TOP3B: variants seen among roughly 807,000 people sequenced by gnomAD.
TOP3B encodes the protein DNA topoisomerase III beta, also known as DNA topoisomerase 3-beta-1.
TOP3B carries 45 observed loss-of-function variants against 93.9 expected under a neutral mutation model. That is an observed-to-expected ratio of 0.48 (90% CI 0.38 to 0.61). The LOEUF (loss-of-function observed/expected upper bound fraction) is 0.61. TOP3B is among the 20% of genes least tolerant of loss of function. TOP3B has a pLI of 0.00. For missense variants in TOP3B, 750 were observed against 1,156.1 expected (o/e 0.65, Z 5.09); for synonymous variants, 357 against 472.6 (o/e 0.76, Z 3.17).
chr22:21,972,930 T>C (rs1601852782), intron 3 of TOP3B: 1 of 556,854 alleles, frequency 1.8e-6, no homozygotes, highest in Non-Finnish European at 3.2e-6. Flanking sequence ...TCTGCTCGGC[T>C]GCTGAGCGGA....
At chr22:21,964,741 C>T (rs2071346586) in intron 9 of TOP3B, 1 of 211,606 alleles carries the variant, frequency 4.7e-6, no homozygotes, top group African/African-American at 2.3e-5. Context: ...TTTCTGTCCT[C>T]ACAGCACTTT....
intron 15 of TOP3B, 76 bp from the exon 16 acceptor site, chr22:21,959,308 T>C: frequency 6.3e-7 from 1 of 1,590,628 alleles, no homozygotes. Context: ...TGGTCAAGGG[T>C]CTGAGTGTGA....
At chr22:21,958,370 C>T in intron 17 of TOP3B, 122 bp downstream of exon 17, 1 of 1,547,008 alleles carries the variant, frequency 6.5e-7, no homozygotes, top group Non-Finnish European at 8.7e-7. Flanking sequence ...GTCTCAGTGC[C>T]AATGAGTGCA....
rs763558844 is a variant in TOP3B at position 21,962,833 on chromosome 22, T to C, written c.1265A>G (p.His422Arg). 6.8e-6 allele frequency: 11 copies of C among 1,613,980 alleles called. No homozygotes were observed. Among genetic ancestry groups the C allele is most frequent in the Admixed American group, 3.3e-5 (2 of 60,008 alleles). The change falls in exon 12 of 18, where the codon CAT (histidine) becomes CGT (arginine). Residue 422 changes from histidine to arginine, a missense_variant. His to Arg is a conservative substitution (Grantham distance 29, BLOSUM62 0). Around this residue, in one of 4 missense-constraint regions of TOP3B, gnomAD observed 737 missense variants for 933.7 expected, o/e 0.79. Coordinates refer to ENST00000357179, the MANE Select transcript of TOP3B (RefSeq NM_001282112.2). ...ITRHFIATVS[H>R]DCKYLQSTIS... ...GGTGCTCTGCAGGTACTTGCAGTCA[T>C]GGCTGACCGTGGCGATGAAGTGTCT...
chr22:21,960,502 G>C (rs1034084238), intron 13 of TOP3B, 53 bp from the exon 14 acceptor site: 3 of 1,607,762 alleles, frequency 1.9e-6, no homozygotes, highest in African/African-American at 2.7e-5. Flanking sequence ...ATGCCCCACT[G>C]AACCATGTGC....
At chr22:21,973,155 CAT>C (rs1405075377) in intron 3 of TOP3B, 7 of 239,190 alleles carry the variant, frequency 2.9e-5, no homozygotes, top group African/African-American at 1.6e-4. Context: ...TGGGGGCACA[CAT>C]GTGTGCAGTC....
At chr22:21,972,017 C>T (rs2071660881) in intron 4 of TOP3B, 66 bp from the exon 5 acceptor site, 3 of 1,433,070 alleles carry the variant, frequency 2.1e-6, no homozygotes, top group Non-Finnish European at 2.9e-6. Context: ...GCCCCCAGTG[C>T]TCCCATCCAG....
intron 10 of TOP3B, 31 bp downstream of exon 10, chr22:21,964,130 C>T: frequency 1.2e-6 from 2 of 1,613,490 alleles, no homozygotes; most frequent in Non-Finnish European, 1.7e-6. Flanking sequence ...GTGACACACA[C>T]ACATGCTGAG....
intron 15 of TOP3B, 124 bp from the exon 16 acceptor site, chr22:21,959,356 A>G: frequency 6.6e-7 from 1 of 1,516,690 alleles, no homozygotes; most frequent in Non-Finnish European, 8.8e-7. Context: ...CTGTCCTGGC[A>G]GCACGGCAGG....
At position 21,963,046 on chromosome 22, in the gene TOP3B, C is replaced by T. The variant is rs986782884; in HGVS notation, c.1205-153G>A. On this transcript the variant is annotated intron_variant, in intron 11 of 17. Transcript: ENST00000357179. The surrounding 1 kb of genome is among the most constrained non-coding windows in gnomAD (Gnocchi z 4.8). ...CTGGGGAAGGAGGAAAGAAAATGTG[C>T]AGGAAGGCCGGGCGTGGTGGCTCAT... 3 of 939,592 alleles carry T rather than the reference C, an allele frequency of 3.2e-6. No homozygotes were observed. The highest frequency in any genetic ancestry group is 3.3e-5 in the African/African-American group (2 of 60,570). The allele number at this position is 939,592 out of a possible 1,614,324, so 58.2% of individuals were successfully genotyped here. A position where few individuals can be genotyped will look rare whatever the true frequency, so the allele number is the denominator to read the frequency against.
In TOP3B at chr22:21,962,536, C is replaced by G; in HGVS notation, c.1418G>C (p.Gly473Ala). ...LEESLPTCQR[G>A]DAFPVGEVKM... ...CACCTCGCCCACAGGGAAGGCATCA[C>G]CCCGCTGGCAAGTGGGCAGGCTCTC... is the stretch of plus-strand genomic sequence containing the variant. The change falls in exon 13 of 18, where the codon GGT (glycine) becomes GCT (alanine). Residue 473 changes from glycine (G) to alanine (A), a missense_variant. Coordinates refer to ENST00000357179, the MANE Select transcript of TOP3B (RefSeq NM_001282112.2). 1 of 1,613,680 alleles carries G rather than the reference C, an allele frequency of 6.2e-7. No homozygotes were observed. Among genetic ancestry groups the G allele is most frequent in the East Asian group, 2.2e-5 (1 of 44,882 alleles).
At chr22:21,959,096 A>T (rs1450483197) in intron 16 of TOP3B, 36 bp downstream of exon 16, 1 of 1,611,192 alleles carries the variant, frequency 6.2e-7, no homozygotes, top group Non-Finnish European at 8.5e-7. Context: ...TACAGGGGTG[A>T]GGCAGCTTGC....
chr22:21,960,111 C>G, intron 14 of TOP3B: 1 of 753,386 alleles, frequency 1.3e-6, no homozygotes. Context: ...CCTCACACAT[C>G]TGTTCAGCCT....
Position 21,971,656 on chromosome 22 carries a change from G to A in TOP3B, c.384+221C>T. On this transcript the variant is annotated intron_variant, in intron 5 of 17. Coordinates refer to ENST00000357179, the MANE Select transcript of TOP3B (RefSeq NM_001282112.2). This position sits in a 1 kb window ranked among gnomAD's most constrained non-coding sequence, Gnocchi z 4.6. ...CTCCTATGTTCACTCATACCGTTGA[G>A]GCCTCAGCAAGCGGAGGAACAACTG... The A allele has an allele frequency of 1.7e-6, 1 of 600,638 alleles. No individual in the cohort carries two copies. The highest frequency in any genetic ancestry group is 3.0e-6 in the Non-Finnish European group (1 of 328,010). 37.2% of individuals were successfully genotyped at this position (600,638 alleles called of 1,614,324 possible).
intron 4 of TOP3B, 74 bp from the exon 5 acceptor site, chr22:21,972,025 C>G (rs2145867097): frequency 3.0e-6 from 4 of 1,349,542 alleles, no homozygotes; most frequent in Non-Finnish European, 4.1e-6. Context: ...TGCTCCCATC[C>G]AGGACAGGGC....
At chr22:21,958,295 A>G (rs571410994) in intron 17 of TOP3B, 197 bp downstream of exon 17, 2 of 1,432,418 alleles carry the variant, frequency 1.4e-6, no homozygotes, top group Admixed American at 2.7e-5. Flanking sequence ...CGATTCTGAC[A>G]CAGAGAGAGG....
intron 1 of TOP3B, chr22:21,977,497 C>G (rs2071922366): frequency 6.8e-6 from 1 of 148,032 alleles, no homozygotes; most frequent in African/African-American, 2.5e-5. Context: ...CTATTGCACT[C>G]CAGCTTGTAC....
At chr22:21,965,581 T>C (rs2071384584) in intron 8 of TOP3B, 2 of 349,094 alleles carry the variant, frequency 5.7e-6, no homozygotes, top group East Asian at 9.5e-5. Context: ...TAAAAAAAAA[T>C]TTTGGCTGGG....
Position 21,958,610 on chromosome 22 carries a change from C to T in TOP3B, c.1989G>A (p.Glu663=). ...PQNGTIKLYK[E]LRCPLDDFEL... ...CGAAGTCATCCAGAGGGCAGCGGAG[C>T]TCCTTGTAGAGCTTGATGGTGCCGT... Residue 663 remains glutamate (E), a synonymous_variant, in exon 17 of 18, where the codon GAG becomes GAA. Coordinates refer to ENST00000357179, the MANE Select transcript of TOP3B (RefSeq NM_001282112.2). The T allele has an allele frequency of 6.2e-7, 1 of 1,614,106 alleles. No homozygotes were observed. The highest frequency in any genetic ancestry group is 8.5e-7 in the Non-Finnish European group (1 of 1,180,040).
Sources: gnomAD v4.1 joint callset for allele counts on GRCh38, gnomAD v4.1.1 for gene constraint, gnomAD v4.1.1 regional missense constraint, Gnocchi (gnomAD v3.1) non-coding constraint, MANE v1.5 for transcripts, NCBI Gene and HGNC (gene_info 2026-07-23, HGNC 2026-07-21) for gene names.